PTPRN2: variants seen among roughly 807,000 people sequenced by gnomAD.
PTPRN2 encodes receptor-type tyrosine-protein phosphatase N2.
A neutral mutation model predicts 118.8 loss-of-function variants in PTPRN2; 74 were observed. The observed-to-expected ratio is 0.62, with a 90% CI of 0.52 to 0.76. The LOEUF is 0.76. PTPRN2 is among the 30% of genes least tolerant of loss of function. PTPRN2 has a pLI of 0.00. For synonymous variants in PTPRN2, 641 were observed against 608.0 expected (o/e 1.05, Z -0.80); for missense variants, 1,481 against 1,394.4 (o/e 1.06, Z -0.99).
At chr7:158,246,743 A>G (rs1053225586) in intron 3 of PTPRN2, among the ~76,000 whole-genome samples, 3 of 152,032 alleles carry the variant, frequency 2.0e-5, no homozygotes, top group Non-Finnish European at 4.4e-5. Context: ...TGATGACAGC[A>G]ACGACGACAG....
chr7:157,684,919 C>T (rs1036388658), intron 12 of PTPRN2, among the ~76,000 whole-genome samples: 2 of 151,922 alleles, frequency 1.3e-5, no homozygotes, highest in African/African-American at 4.8e-5. Context: ...CGGCCGCGAC[C>T]CCGGATGCGA....
chr7:158,265,444 G>C (rs1197085453), intron 3 of PTPRN2, among the ~76,000 whole-genome samples: 1 of 151,810 alleles, frequency 6.6e-6, no homozygotes, highest in Non-Finnish European at 1.5e-5. Flanking sequence ...ACACCTGCAG[G>C]CAGGTACACA....
intron 11 of PTPRN2, among the ~76,000 whole-genome samples, chr7:157,914,113 A>G (rs1217216876): frequency 6.6e-6 from 1 of 152,222 alleles, no homozygotes; most frequent in African/African-American, 2.4e-5. Flanking sequence ...CTATATTAGC[A>G]TTCCAATTTT....
At chr7:158,256,514 C>T (rs973075762) in intron 3 of PTPRN2, among the ~76,000 whole-genome samples, 14 of 151,468 alleles carry the variant, frequency 9.2e-5, no homozygotes, top group African/African-American at 1.9e-4. Flanking sequence ...ACTAAGGCCC[C>T]GGAAGACCTA....
At chr7:158,141,958 T>C (rs1358964142) in intron 6 of PTPRN2, among the ~76,000 whole-genome samples, 1 of 152,140 alleles carries the variant, frequency 6.6e-6, no homozygotes, top group Non-Finnish European at 1.5e-5. Flanking sequence ...GCCACCGATG[T>C]CCCCTGCTGG....
intron 11 of PTPRN2, among the ~76,000 whole-genome samples, chr7:157,988,404 A>AC (rs1803970278): frequency 6.6e-6 from 1 of 152,206 alleles, no homozygotes; most frequent in Non-Finnish European, 1.5e-5. Flanking sequence ...AGCTAAAGCA[A>AC]CTGAACCTCC....
At chr7:158,566,641 T>C (rs1305847357) in intron 1 of PTPRN2, among the ~76,000 whole-genome samples, 2 of 152,254 alleles carry the variant, frequency 1.3e-5, no homozygotes, top group Non-Finnish European at 2.9e-5. Context: ...TTGTTAGAGA[T>C]GCTATTTTTG....
At chr7:158,343,966 C>T (rs1807288447) in intron 2 of PTPRN2, among the ~76,000 whole-genome samples, 1 of 152,152 alleles carries the variant, frequency 6.6e-6, no homozygotes, top group Admixed American at 6.5e-5. Flanking sequence ...GTGAACACAC[C>T]AATGAACATA....
At chr7:158,266,701 T>C (rs978443329) in intron 3 of PTPRN2, among the ~76,000 whole-genome samples, 2 of 152,180 alleles carry the variant, frequency 1.3e-5, no homozygotes, top group Non-Finnish European at 2.9e-5. Flanking sequence ...GAGAGCCACT[T>C]CCCGGCTTTA....
At chr7:158,071,471 G>T (rs1413700064) in intron 11 of PTPRN2, among the ~76,000 whole-genome samples, 3 of 131,316 alleles carry the variant, frequency 2.3e-5, no homozygotes, top group African/African-American at 3.2e-5. Context: ...TGCTCGTGGT[G>T]GTGGAGGTTC....
intron 11 of PTPRN2, among the ~76,000 whole-genome samples, chr7:157,904,256 C>T (rs1271036438): frequency 6.6e-6 from 1 of 152,226 alleles, no homozygotes. Context: ...CCAGGATTCT[C>T]CTGATTTCTT....
At chr7:158,189,953 T>A (rs758326401) in intron 5 of PTPRN2, among the ~76,000 whole-genome samples, 2 of 152,240 alleles carry the variant, frequency 1.3e-5, no homozygotes, top group Non-Finnish European at 2.9e-5. Flanking sequence ...AGACCTGCTC[T>A]GTGGTGCCGA....
intron 11 of PTPRN2, among the ~76,000 whole-genome samples, chr7:157,999,046 G>C (rs1211724875): frequency 6.6e-6 from 1 of 151,884 alleles, no homozygotes; most frequent in Non-Finnish European, 1.5e-5. Context: ...GATCCTGGCT[G>C]TTCCTCCGAG....
At chr7:158,406,880 C>G (rs1813487329) in intron 2 of PTPRN2, among the ~76,000 whole-genome samples, 1 of 152,208 alleles carries the variant, frequency 6.6e-6, no homozygotes, top group Admixed American at 6.5e-5. Flanking sequence ...AGCAGGCACT[C>G]CAGGCAAATT....
At chr7:157,765,888 C>T (rs1802440937) in intron 12 of PTPRN2, among the ~76,000 whole-genome samples, 1 of 148,638 alleles carries the variant, frequency 6.7e-6, no homozygotes, top group Admixed American at 6.7e-5. Context: ...CTCCATCCAT[C>T]CATCCATCCA....
intron 15 of PTPRN2, among the ~76,000 whole-genome samples, chr7:157,613,456 A>G (rs112532340): frequency 0.062 from 9,491 of 152,252 alleles, 388 homozygotes; most frequent in East Asian, 0.19. Flanking sequence ...GGCTGCGGCC[A>G]GAGACTTCCG....
chr7:157,935,825 C>A (rs1426088647), intron 11 of PTPRN2, among the ~76,000 whole-genome samples: 1 of 149,992 alleles, frequency 6.7e-6, no homozygotes, highest in Non-Finnish European at 1.5e-5. Flanking sequence ...GTGTCACTCC[C>A]TCAGGGGGGT....
intron 2 of PTPRN2, among the ~76,000 whole-genome samples, chr7:158,356,205 C>T (rs375928360): frequency 7.7e-4 from 118 of 152,306 alleles, no homozygotes; most frequent in African/African-American, 2.8e-3. Context: ...AGCTGGTCAT[C>T]ACTGTTGACA....
chr7:157,917,009 T>C (rs999868384), intron 11 of PTPRN2, among the ~76,000 whole-genome samples: 1 of 134,192 alleles, frequency 7.5e-6, no homozygotes, highest in Non-Finnish European at 1.6e-5. Context: ...CCCCGGCCAC[T>C]CCGGGACACG....
Sources: allele counts gnomAD v4.1 joint callset (sites outside exome capture counted in the v4.1 genomes callset), GRCh38; gene constraint gnomAD v4.1.1; transcripts MANE v1.5; gene names NCBI Gene and HGNC (gene_info 2026-07-23, HGNC 2026-07-21).